The following FRMPD1 variants were observed in gnomAD, a reference collection of about 807,000 sequenced individuals.
The protein encoded by FRMPD1 is FERM and PDZ domain-containing protein 1.
FRMPD1 carries 76 observed loss-of-function variants against 117.8 expected under a neutral mutation model. The observed-to-expected ratio is 0.65, with a 90% CI of 0.54 to 0.78. The LOEUF (loss-of-function observed/expected upper bound fraction) is 0.78, where lower values mean the gene tolerates loss of function less well. Ranked by LOEUF, FRMPD1 falls within the 30% of genes least tolerant of loss-of-function variation. The probability of loss-of-function intolerance (pLI) is 0.00; values close to 1 mark genes in which losing one functional copy is unlikely to be tolerated. For missense variants in FRMPD1, 1,786 were observed against 1,964.5 expected (o/e 0.91, Z 1.72); for synonymous variants, 783 against 770.4 (o/e 1.02, Z -0.27).
intron 1 of FRMPD1, among the ~76,000 whole-genome samples, chr9:37,664,300 T>C (rs2119395320): frequency 6.7e-6 from 1 of 148,836 alleles, no homozygotes; most frequent in East Asian, 2.1e-4. Context: ...TATGTATGTA[T>C]GTATGTATTT....
At chr9:37,701,633 G>A (rs972894701) in intron 2 of FRMPD1, among the ~76,000 whole-genome samples, 3 of 151,944 alleles carry the variant, frequency 2.0e-5, no homozygotes, top group African/African-American at 7.2e-5. Context: ...AGTTTGACTG[G>A]AACAAAAATA....
In FRMPD1 at chr9:37,746,536, G is replaced by A. The variant is rs1292531798; in HGVS notation, c.4504G>A (p.Gly1502Ser). ...DTFQHLVQLA[G>S]LCFQFTDCSR... is the part of the protein sequence containing the mutation. ...CTTCCAGCACCTGGTCCAGCTGGCC[G>A]GCCTGTGCTTTCAGTTCACAGACTG... The change falls in exon 16 of 16, where the codon GGC becomes AGC. Residue 1502 changes from glycine to serine, a missense_variant. Gly to Ser is a moderately conservative substitution (Grantham distance 56). Coordinates refer to ENST00000377765, the MANE Select transcript of FRMPD1 (RefSeq NM_014907.3). 55 of 1,613,588 alleles carry A rather than the reference G, an allele frequency of 3.4e-5. No homozygotes were observed. Among genetic ancestry groups the A allele is most frequent in the East Asian group, 4.5e-5 (2 of 44,894 alleles).
the FRMPD1 span, among the ~76,000 whole-genome samples, chr9:37,627,527 T>C: frequency 6.6e-6 from 1 of 152,188 alleles, no homozygotes; most frequent in Non-Finnish European, 1.5e-5. Context: ...CAGGCTAGAG[T>C]GTAGTGGCAC....
At chr9:37,733,894 G>A in intron 12 of FRMPD1, 69 bp downstream of exon 12, 1 of 898,258 alleles carries the variant, frequency 1.1e-6, no homozygotes, top group Non-Finnish European at 1.9e-6. Context: ...AAATCAATGT[G>A]TCTTTTAGCC....
upstream of FRMPD1, among the ~76,000 whole-genome samples, chr9:37,646,211 A>G (rs1367123732): frequency 2.0e-5 from 3 of 152,210 alleles, no homozygotes; most frequent in African/African-American, 4.8e-5. Flanking sequence ...AATATTAAGA[A>G]CATACAGTTT....
At chr9:37,652,068 CAT>C (rs1820691418) in intron 1 of FRMPD1, among the ~76,000 whole-genome samples, 1 of 152,296 alleles carries the variant, frequency 6.6e-6, no homozygotes, top group East Asian at 1.9e-4. Flanking sequence ...TATTCAACGA[CAT>C]AATGATTTGT....
At chr9:37,703,059 C>T (rs748568391) in intron 2 of FRMPD1, among the ~76,000 whole-genome samples, 51 of 152,256 alleles carry the variant, frequency 3.3e-4, no homozygotes, top group Non-Finnish European at 5.7e-4. Flanking sequence ...ATGGGTACCA[C>T]CCTTGTCTTC....
chr9:37,620,893 C>G, the FRMPD1 span, among the ~76,000 whole-genome samples: 1 of 152,034 alleles, frequency 6.6e-6, no homozygotes, highest in Admixed American at 6.5e-5. Context: ...CAAGAGTCAG[C>G]CTTCAATGCT....
intron 5 of FRMPD1, among the ~76,000 whole-genome samples, chr9:37,718,723 A>T (rs531251734): frequency 1.3e-5 from 2 of 152,324 alleles, no homozygotes; most frequent in African/African-American, 4.8e-5. Flanking sequence ...GTTTTCTTTC[A>T]TAAGAATTTG....
At chr9:37,629,604 C>T in the FRMPD1 span, among the ~76,000 whole-genome samples, 5 of 152,198 alleles carry the variant, frequency 3.3e-5, no homozygotes, top group Admixed American at 2.0e-4. Flanking sequence ...CTGATGCTTT[C>T]CTAAAAACAT....
chr9:37,715,903 G>A (rs1199775573), intron 5 of FRMPD1, among the ~76,000 whole-genome samples: 1 of 152,148 alleles, frequency 6.6e-6, no homozygotes, highest in Non-Finnish European at 1.5e-5. Flanking sequence ...CTCGGAGCAA[G>A]TCCACTTTGT....
In FRMPD1 at chr9:37,740,574, A is replaced by G. The variant is rs768451013; in HGVS notation, c.2046A>G (p.Thr682=). The G allele has an allele frequency of 2.5e-6, 4 of 1,614,196 alleles. No homozygotes were observed. The highest frequency in any genetic ancestry group is 1.7e-5 in the Admixed American group (1 of 60,028). The change falls in exon 15 of 16, where the codon ACA becomes ACG. Residue 682 remains threonine, a synonymous_variant. Coordinates refer to ENST00000377765, the MANE Select transcript of FRMPD1 (RefSeq NM_014907.3). This position sits in a 1 kb window ranked among gnomAD's most constrained non-coding sequence, Gnocchi z 4.2. ...TEFSESAALE[T]FGWAPELSTV... ...TTTCCGAGAGTGCTGCTTTGGAGAC[A>G]TTTGGCTGGGCACCAGAACTGAGCA...
rs528073174 is a variant in FRMPD1 at position 37,687,051 on chromosome 9, G to A, written c.-4-5587G>A. On this transcript the variant is annotated intron_variant, in intron 1 of 15. Coordinates refer to ENST00000377765, the MANE Select transcript of FRMPD1 (RefSeq NM_014907.3). ...AGTCATCTGCTCCATGTATTCCATGGATGTGTCCCTCTACGTCATCCTCGT... is the reference window on the plus strand; with the variant it reads ...AGTCATCTGCTCCATGTATTCCATGAATGTGTCCCTCTACGTCATCCTCGT... Among the ~76,000 whole-genome samples the A allele has an allele frequency of 7.7e-4, 118 of 152,296 alleles. No individual in the cohort carries two copies. The Middle Eastern group carries it at 0.014, about 18-fold the overall frequency.
At chr9:37,730,643 T>C (rs1199847498) in intron 8 of FRMPD1, among the ~76,000 whole-genome samples, 1 of 152,178 alleles carries the variant, frequency 6.6e-6, no homozygotes, top group African/African-American at 2.4e-5. Flanking sequence ...TATATTATTA[T>C]TTGTGGAAGA....
At chr9:37,608,323 G>A in the FRMPD1 span, among the ~76,000 whole-genome samples, 4 of 151,674 alleles carry the variant, frequency 2.6e-5, no homozygotes, top group African/African-American at 9.7e-5. Context: ...TGAACTCTGG[G>A]GCCTAGAAAC....
intron 11 of FRMPD1, 58 bp downstream of exon 11, chr9:37,733,657 A>G: frequency 1.2e-6 from 2 of 1,603,092 alleles, no homozygotes; most frequent in Non-Finnish European, 1.7e-6. Context: ...CTTAGGAAAA[A>G]CATTTTCAAC....
At chr9:37,684,928 T>C (rs1018205060) in intron 1 of FRMPD1, among the ~76,000 whole-genome samples, 1 of 152,068 alleles carries the variant, frequency 6.6e-6, no homozygotes, top group Admixed American at 6.6e-5. Context: ...TAACTTTTTT[T>C]ATTTTCAGTA....
Position 37,740,622 on chromosome 9 carries a change from G to A in FRMPD1, c.2094G>A (p.Leu698=). 2 of 1,614,206 alleles carry A rather than the reference G, an allele frequency of 1.2e-6. No individual in the cohort carries two copies. The highest frequency in any genetic ancestry group is 2.7e-5 in the African/African-American group (2 of 75,080). ...ELSTVRLDPR[L]YEGSHADYYS... ...GCACAGTCAGGCTGGACCCCAGGCTGTATGAAGGCAGCCACGCTGACTACT... is the reference window on the plus strand; with the variant it reads ...GCACAGTCAGGCTGGACCCCAGGCTATATGAAGGCAGCCACGCTGACTACT... The change falls in exon 15 of 16, where the codon CTG becomes CTA. Residue 698 remains leucine, a synonymous_variant. Transcript: ENST00000377765. This position sits in a 1 kb window ranked among gnomAD's most constrained non-coding sequence, Gnocchi z 4.2.
At chr9:37,738,141 T>G (rs1399905010) in intron 14 of FRMPD1, among the ~76,000 whole-genome samples, 1 of 152,202 alleles carries the variant, frequency 6.6e-6, no homozygotes, top group Non-Finnish European at 1.5e-5. Context: ...GTCAACATTC[T>G]CACGATGGGT....
Sources: allele counts gnomAD v4.1 joint callset (sites outside exome capture counted in the v4.1 genomes callset), GRCh38; gene constraint gnomAD v4.1.1; non-coding constraint Gnocchi (gnomAD v3.1); transcripts MANE v1.5; gene names NCBI Gene and HGNC (gene_info 2026-07-23, HGNC 2026-07-21).